Variants in EYS observed in about 807,000 individuals in gnomAD.
EYS encodes protein eyes shut homolog.
EYS carries 250 observed loss-of-function variants against 282.1 expected under a neutral mutation model. That is an observed-to-expected ratio of 0.89 (90% CI 0.80 to 0.98). The LOEUF is 0.98. EYS is among the 50% of genes least tolerant of loss of function. The pLI is 0.00. For synonymous variants in EYS, 1,355 were observed against 1,282.9 expected, an observed-to-expected ratio of 1.06 and a Z score of -1.20; for missense variants, 4,016 against 3,709.0, an observed-to-expected ratio of 1.08 and a Z score of -2.15.
chr6:64,927,431 G>C (rs1768553054), intron 15 of EYS, among the ~76,000 whole-genome samples: 1 of 152,024 alleles, frequency 6.6e-6, no homozygotes, highest in Non-Finnish European at 1.5e-5. Context: ...ACTAATAAAA[G>C]TTATTGATTA....
At position 63,726,533 on chromosome 6, in the gene EYS, A is replaced by G. The variant is rs2149631726; in HGVS notation, c.8219T>C (p.Leu2740Ser). ...DGILFYAAQH[L>S]KAQSGDFLCI... ...GCCAATCTTACCTGATTGGGCTTTTAAGTGTTGTGCAGCATAAAATAGGAT... is the reference window on the plus strand; with the variant it reads ...GCCAATCTTACCTGATTGGGCTTTTGAGTGTTGTGCAGCATAAAATAGGAT... Residue 2740 changes from leucine (L) to serine (S), a missense_variant, in exon 42 of 43, where the codon TTA becomes TCA. Leu to Ser is a moderately radical substitution (Grantham distance 145, BLOSUM62 -2). Coordinates refer to ENST00000503581, the MANE Select transcript of EYS (RefSeq NM_001142800.2). The G allele has an allele frequency of 1.3e-6, 2 of 1,549,714 alleles. No homozygotes were observed. The highest frequency in any genetic ancestry group is 4.9e-5 in the East Asian group (2 of 40,866).
At chr6:64,997,106 A>G (rs2150125663) in intron 14 of EYS, among the ~76,000 whole-genome samples, 1 of 152,282 alleles carries the variant, frequency 6.6e-6, no homozygotes, top group Admixed American at 6.5e-5. Context: ...GGTGATGACA[A>G]ATGAATATGT....
chr6:65,521,004 CAT>C (rs1327979580), intron 2 of EYS, among the ~76,000 whole-genome samples: 1 of 152,118 alleles, frequency 6.6e-6, no homozygotes, highest in Non-Finnish European at 1.5e-5. Flanking sequence ...ACTAGGCTCA[CAT>C]GTTCCAATTT....
chr6:65,440,698 C>T (rs940182314), intron 5 of EYS, among the ~76,000 whole-genome samples: 3 of 151,214 alleles, frequency 2.0e-5, no homozygotes, highest in Non-Finnish European at 3.0e-5. Context: ...TACTTCTACA[C>T]TGGAAGGTGT....
intron 12 of EYS, among the ~76,000 whole-genome samples, chr6:65,163,959 T>C (rs955037189): frequency 6.6e-6 from 1 of 151,260 alleles, no homozygotes. Context: ...CTGGTTCTTA[T>C]CAGATGCATC....
chr6:64,335,052 C>T (rs1467316250), intron 29 of EYS, among the ~76,000 whole-genome samples: 2 of 152,018 alleles, frequency 1.3e-5, no homozygotes, highest in Non-Finnish European at 2.9e-5. Context: ...TGCAAAAGTA[C>T]CAACTGGTAT....
intron 2 of EYS, among the ~76,000 whole-genome samples, chr6:65,540,764 CA>C (rs796277819): frequency 9.3e-5 from 14 of 150,898 alleles, no homozygotes; most frequent in African/African-American, 2.4e-4. Flanking sequence ...ACTAAAAATA[CA>C]AAAAAAAATT....
At chr6:65,152,805 AATG>A (rs963207704) in intron 12 of EYS, among the ~76,000 whole-genome samples, 15 of 151,580 alleles carry the variant, frequency 9.9e-5, no homozygotes, top group Non-Finnish European at 1.9e-4. Context: ...TAAAATAAAA[AATG>A]ATAATTTTAA....
intron 33 of EYS, among the ~76,000 whole-genome samples, chr6:64,026,214 A>G (rs59019292): frequency 0.016 from 2,489 of 151,116 alleles, 46 homozygotes; most frequent in African/African-American, 0.05. Flanking sequence ...AGGGACTGTT[A>G]TGGGTTCTTG....
chr6:65,118,816 G>A lies in EYS; in HGVS notation c.2024-61089C>T, dbSNP rs114426644. Among the ~76,000 whole-genome samples the A allele has an allele frequency of 9.0e-3, 1,362 of 151,912 alleles. 24 individuals are homozygous for A. Among genetic ancestry groups the A allele is most frequent in the African/African-American group, 0.031 (1,290 of 41,434 alleles). On this transcript the variant is annotated intron_variant, in intron 12 of 42. Coordinates refer to ENST00000503581, the MANE Select transcript of EYS (RefSeq NM_001142800.2). ...CACTAGAAGGCAGAAATTGTAGTGG[G>A]GTGACCAGTTTGAAGGATGTTGAAA...
At chr6:64,767,374 CT>C in intron 22 of EYS, among the ~76,000 whole-genome samples, 1 of 152,092 alleles carries the variant, frequency 6.6e-6, no homozygotes, top group East Asian at 1.9e-4. Flanking sequence ...ACTTATTCCT[CT>C]TTTCTAGCTG....
chr6:63,999,267 T>C (rs971505973), intron 33 of EYS, 84 bp from the exon 34 acceptor site: 4 of 848,180 alleles, frequency 4.7e-6, no homozygotes, highest in Non-Finnish European at 7.8e-6. Flanking sequence ...TAAGTACTTC[T>C]TCATTGAGAG....
chr6:64,730,045 G>C (rs1771905862), intron 22 of EYS, among the ~76,000 whole-genome samples: 1 of 152,186 alleles, frequency 6.6e-6, no homozygotes, highest in Admixed American at 6.5e-5. Flanking sequence ...GAAAAACTAA[G>C]AGTGAAGCTT....
chr6:65,168,006 A>G (rs1394388730), intron 12 of EYS, among the ~76,000 whole-genome samples: 1 of 151,272 alleles, frequency 6.6e-6, no homozygotes. Flanking sequence ...TCTTGAACAG[A>G]GAGAACAGTT....
intron 26 of EYS, among the ~76,000 whole-genome samples, chr6:64,466,880 A>C (rs1055808221): frequency 2.6e-5 from 4 of 152,092 alleles, no homozygotes; most frequent in African/African-American, 9.7e-5. Flanking sequence ...TGTGTCATTT[A>C]ATATATTTAA....
At chr6:65,231,920 C>T (rs557111017) in intron 12 of EYS, among the ~76,000 whole-genome samples, 3 of 152,014 alleles carry the variant, frequency 2.0e-5, no homozygotes, top group African/African-American at 7.2e-5. Context: ...TGAGATTAAG[C>T]TGGAAAACTC....
chr6:63,721,022 A>C lies in EYS; in HGVS notation c.9009T>G (p.Asn3003Lys). The C allele has an allele frequency of 6.4e-7, 1 of 1,551,276 alleles. No individual in the cohort carries two copies. The highest frequency in any genetic ancestry group is 8.7e-7 in the Non-Finnish European group (1 of 1,146,746). ...CAATTGCCAGAAAATCATTTTCTTC[A>C]TTTTGAGCTATTCCCATCCATACAA... The part of the protein sequence containing the change: ...GLIVWMGIAQ[N>K]EENDFLAIGL... Residue 3003 changes from asparagine (N) to lysine (K), a missense_variant, in exon 43 of 43, where the codon AAT (asparagine) becomes AAG (lysine). Transcript: ENST00000503581.
chr6:64,591,885 T>TC lies in EYS; in HGVS notation c.3981dup (p.Ile1328AspfsTer4). On this transcript the variant is annotated frameshift_variant, in exon 26 of 43. Transcript: ENST00000503581. LOFTEE classifies it high-confidence loss of function. The stretch of plus-strand genomic sequence containing the variant: ...TTTGCTGAAAGCTCTCTAGTGACAA[T>TC]CAGTTCTTGGAGTAAGTAGCTTTCC... 3.2e-6 allele frequency: 5 copies of TC among 1,551,012 alleles called. No homozygotes were observed. In the African/African-American group the frequency reaches 6.8e-5, roughly 21 times the overall value.
At chr6:64,245,550 A>C (rs1196947165) in intron 30 of EYS, among the ~76,000 whole-genome samples, 1 of 152,160 alleles carries the variant, frequency 6.6e-6, no homozygotes, top group East Asian at 1.9e-4. Flanking sequence ...CTTAAAAAAT[A>C]AGCATAACTT....
Sources: allele counts gnomAD v4.1 joint callset (sites outside exome capture counted in the v4.1 genomes callset), GRCh38; gene constraint gnomAD v4.1.1; transcripts MANE v1.5; gene names NCBI Gene and HGNC (gene_info 2026-07-23, HGNC 2026-07-21).